The following ZNF599 variants were observed in gnomAD, a reference collection of about 807,000 sequenced individuals.
ZNF599 encodes zinc finger protein 599.
ZNF599 carries 10 observed loss-of-function variants against 11.7 expected under a neutral mutation model. That is an observed-to-expected ratio of 0.86 (90% CI 0.53 to 1.45). ZNF599 has a LOEUF of 1.45. Among genes scored for constraint, ZNF599 ranks in the 40% most tolerant of loss-of-function variants. The pLI is 0.00. For missense variants in ZNF599, 688 were observed against 713.6 expected (o/e 0.96, Z 0.41); for synonymous variants, 232 against 253.2 (o/e 0.92, Z 0.79).
At chr19:34,787,358 C>G in the ZNF599 span, among the ~76,000 whole-genome samples, 2 of 152,098 alleles carry the variant, frequency 1.3e-5, no homozygotes, top group Admixed American at 1.3e-4. Context: ...TATAAAACAT[C>G]ACTCAAATGC....
Position 34,773,142 on chromosome 19 carries a change from T to C in ZNF599, c.-301A>G, listed in dbSNP as rs1171149098. ...ACTCGGTCTCGAAAAGTGGCCCCTG[T>C]CTGGCGTTCTACCCAGTGTAGCGTT... On this transcript the variant is annotated 5_prime_UTR_variant, in exon 1 of 4. Transcript: ENST00000329285. The C allele has an allele frequency of 1.5e-5, 6 of 391,206 alleles. No homozygotes were observed. Among genetic ancestry groups the C allele is most frequent in the Non-Finnish European group, 2.7e-5 (6 of 219,924 alleles). 24.2% of individuals were successfully genotyped at this position (391,206 alleles called of 1,614,324 possible).
At chr19:34,800,783 C>T in the ZNF599 span, among the ~76,000 whole-genome samples, 4 of 151,560 alleles carry the variant, frequency 2.6e-5, no homozygotes, top group South Asian at 2.1e-4. Context: ...TTAGTAGAGA[C>T]GGGGTTTCAC....
the ZNF599 span, among the ~76,000 whole-genome samples, chr19:34,790,447 A>G: frequency 6.6e-6 from 1 of 152,206 alleles, no homozygotes; most frequent in Non-Finnish European, 1.5e-5. Context: ...AAAAGGGGGG[A>G]AATTCTGTCA....
the ZNF599 span, among the ~76,000 whole-genome samples, chr19:34,791,242 A>G: frequency 9.9e-5 from 15 of 152,226 alleles, no homozygotes; most frequent in Non-Finnish European, 1.6e-4. Flanking sequence ...TTTTGTCAAC[A>G]GAGTGGCAAC....
At chr19:34,769,828 C>T (rs376302730) in intron 1 of ZNF599, among the ~76,000 whole-genome samples, 1 of 152,176 alleles carries the variant, frequency 6.6e-6, no homozygotes, top group Non-Finnish European at 1.5e-5. Flanking sequence ...TAGGACATTA[C>T]AAGAATGGGG....
At chr19:34,761,966 C>T (rs985496071) in intron 3 of ZNF599, among the ~76,000 whole-genome samples, 2 of 152,014 alleles carry the variant, frequency 1.3e-5, no homozygotes, top group African/African-American at 4.8e-5. Flanking sequence ...AAAAACATAA[C>T]ATTAGTATCA....
chr19:34,764,826 T>A (rs774242791), intron 3 of ZNF599: 4 of 152,246 alleles, frequency 2.6e-5, no homozygotes, highest in Non-Finnish European at 5.9e-5. Context: ...TTTCTCTGAC[T>A]TGTACATATA....
chr19:34,760,531 C>G lies in ZNF599; in HGVS notation c.270G>C (p.Glu90Asp). The change falls in exon 4 of 4, where the codon GAG becomes GAC. Residue 90 changes from glutamate (E) to aspartate (D), a missense_variant. Glu to Asp is a conservative substitution (Grantham distance 45). Coordinates refer to ENST00000329285, the MANE Select transcript of ZNF599 (RefSeq NM_001007248.3). ...AGEKAKPKIT[E>D]PTASQLAFSE... is the part of the protein sequence containing the mutation. ...AGAAGGCCAGCTGAGAAGCAGTAGGCTCTGTAATCTTGGGTTTTGCTTTTT... is the reference window on the plus strand; with the variant it reads ...AGAAGGCCAGCTGAGAAGCAGTAGGGTCTGTAATCTTGGGTTTTGCTTTTT... 6.2e-7 allele frequency: 1 copy of G among 1,606,426 alleles called. No homozygotes were observed. Among genetic ancestry groups the G allele is most frequent in the Non-Finnish European group, 8.5e-7 (1 of 1,177,442 alleles).
the ZNF599 span, among the ~76,000 whole-genome samples, chr19:34,787,610 A>C: frequency 1.4e-3 from 209 of 152,296 alleles, 3 homozygotes; most frequent in African/African-American, 4.9e-3. Context: ...ATGGCAGATG[A>C]CAAGTCATTG....
chr19:34,760,612 A>C (rs1341473291), intron 3 of ZNF599, 53 bp from the exon 4 acceptor site: 3 of 1,450,508 alleles, frequency 2.1e-6, no homozygotes, highest in Non-Finnish European at 2.8e-6. Context: ...TCAACAGAAC[A>C]AACAAAATCA....
At chr19:34,777,701 G>A (rs1402331079), upstream of ZNF599, among the ~76,000 whole-genome samples, 1 of 149,352 alleles carries the variant, frequency 6.7e-6, no homozygotes, top group African/African-American at 2.5e-5. Context: ...AGAGCATTAT[G>A]CTCAGTTAAA....
At chr19:34,779,024 A>G in the ZNF599 span, among the ~76,000 whole-genome samples, 1 of 152,186 alleles carries the variant, frequency 6.6e-6, no homozygotes, top group African/African-American at 2.4e-5. Context: ...GACAACACCA[A>G]TTGTTGGTGA....
the ZNF599 span, among the ~76,000 whole-genome samples, chr19:34,785,836 A>T: frequency 1.3e-5 from 2 of 152,172 alleles, no homozygotes; most frequent in Middle Eastern, 3.2e-3. Context: ...TCCCAGGGCC[A>T]ACTGGAATGC....
the ZNF599 span, among the ~76,000 whole-genome samples, chr19:34,793,996 T>TA: frequency 6.6e-6 from 1 of 152,158 alleles, no homozygotes; most frequent in Non-Finnish European, 1.5e-5. Flanking sequence ...TTATTGGACT[T>TA]ACAGTTCCAC....
In ZNF599 at chr19:34,767,471, A is replaced by T. The variant is rs111302406; in HGVS notation, c.146-60T>A. The T allele has an allele frequency of 6.9e-4, 932 of 1,351,860 alleles. 9 individuals carry two copies. The African/African-American group carries it at 0.012, about 17-fold the overall frequency. 83.7% of individuals were successfully genotyped at this position (1,351,860 alleles called of 1,614,324 possible). ...AGGGAAAGACAAAAAGAAAAGTCTG[A>T]GGTGTAAAGGAGTACATATATTTAA... On this transcript the variant is annotated intron_variant, in intron 2 of 3. Coordinates refer to ENST00000329285, the MANE Select transcript of ZNF599 (RefSeq NM_001007248.3).
At chr19:34,797,386 C>T in the ZNF599 span, among the ~76,000 whole-genome samples, 618 of 152,130 alleles carry the variant, frequency 4.1e-3, 4 homozygotes, top group African/African-American at 0.013. Context: ...GAGGAATCGC[C>T]ACACTGACTT....
chr19:34,804,877 G>T, the ZNF599 span, among the ~76,000 whole-genome samples: 1 of 152,088 alleles, frequency 6.6e-6, no homozygotes, highest in Non-Finnish European at 1.5e-5. Flanking sequence ...CAATCTTCCT[G>T]TGCCCACCTA....
the ZNF599 span, among the ~76,000 whole-genome samples, chr19:34,800,889 G>A: frequency 0.011 from 1,748 of 152,114 alleles, 17 homozygotes; most frequent in African/African-American, 0.04. Context: ...GACACCATGC[G>A]CCTGGCTTCT....
At chr19:34,760,616 A>G (rs1240047094) in intron 3 of ZNF599, 57 bp from the exon 4 acceptor site, 32 of 1,427,050 alleles carry the variant, frequency 2.2e-5, no homozygotes, top group Non-Finnish European at 2.9e-5. Context: ...CAGAACAAAC[A>G]AAATCACCAC....
Sources: gnomAD v4.1 joint callset for allele counts (sites outside exome capture counted in the v4.1 genomes callset) on GRCh38, gnomAD v4.1.1 for gene constraint, MANE v1.5 for transcripts, NCBI Gene and HGNC (gene_info 2026-07-23, HGNC 2026-07-21) for gene names.